The following BRCA2 variants were observed in gnomAD, a reference collection of about 807,000 sequenced individuals.
BRCA2 encodes breast cancer type 2 susceptibility protein.
In BRCA2, 203 loss-of-function variants were observed where a neutral mutation model predicts 276.7. That is an observed-to-expected ratio of 0.73 (90% confidence interval 0.65 to 0.82). BRCA2 has a LOEUF of 0.82. Among genes scored for constraint, BRCA2 ranks in the 40% least tolerant of loss-of-function variants. The pLI, the probability that BRCA2 is intolerant of heterozygous loss-of-function variation, is 0.00. For missense variants in BRCA2, 3,920 were observed against 3,915.0 expected, an observed-to-expected ratio of 1.00 and a Z score of -0.03; for synonymous variants, 1,289 against 1,338.4, an observed-to-expected ratio of 0.96 and a Z score of 0.81.
At chr13:32,365,520 A>G (rs1357096894) in intron 18 of BRCA2, among the ~76,000 whole-genome samples, 1 of 151,924 alleles carries the variant, frequency 6.6e-6, no homozygotes, top group Non-Finnish European at 1.5e-5. Context: ...AGCTGGGATT[A>G]CAGGTACCTG....
At chr13:32,341,307 C>A in intron 11 of BRCA2, 111 bp downstream of exon 11, 3 of 1,491,284 alleles carry the variant, frequency 2.0e-6, no homozygotes, top group Non-Finnish European at 2.8e-6. Flanking sequence ...TCTTTTCAGC[C>A]ATTTTTGTGT....
rs2137525578 is a variant in BRCA2 at position 32,340,596 on chromosome 13, G to C, written c.6241G>C (p.Glu2081Gln). 1 of 1,608,402 alleles carries C rather than the reference G, an allele frequency of 6.2e-7. No homozygotes were observed. Among genetic ancestry groups the C allele is most frequent in the Non-Finnish European group, 8.5e-7 (1 of 1,177,152 alleles). ...CTTACACAAAGTTAAGGGAGTGTTA[G>C]AGGAATTTGATTTAATCAGAACTGA... is the stretch of plus-strand genomic sequence containing the variant. ...SSLHKVKGVL[E>Q]EFDLIRTEHS... The change falls in exon 11 of 27, where the codon GAG becomes CAG. Residue 2081 changes from glutamate to glutamine, a missense_variant. This residue lies in a region of BRCA2 where 3,263 missense variants were observed against 3,156.9 expected (regional missense o/e 1.03). Transcript: ENST00000380152.
At chr13:32,384,596 A>C (rs1201685849) in intron 24 of BRCA2, 1 of 183,900 alleles carries the variant, frequency 5.4e-6, no homozygotes, top group Non-Finnish European at 1.2e-5. Context: ...AAAAGTGAGG[A>C]GGCCTAGATG....
intron 11 of BRCA2, 118 bp downstream of exon 11, chr13:32,341,314 G>C: frequency 6.9e-7 from 1 of 1,450,562 alleles, no homozygotes; most frequent in Non-Finnish European, 9.6e-7. Flanking sequence ...AGCCATTTTT[G>C]TGTAGTCAGT....
In BRCA2 at chr13:32,363,163, T is replaced by G. The variant is rs2137579456; in HGVS notation, c.7977-16T>G. On this transcript the variant is annotated splice_polypyrimidine_tract_variant and intron_variant, in intron 17 of 26. Coordinates refer to ENST00000380152, the MANE Select transcript of BRCA2 (RefSeq NM_000059.4). ...GTCACACTTCCTAAAATATGCATTTTTGTTTTCACTTTTAGATATGATACG... is the reference window on the plus strand; with the variant it reads ...GTCACACTTCCTAAAATATGCATTTGTGTTTTCACTTTTAGATATGATACG... 6.2e-7 allele frequency: 1 copy of G among 1,603,858 alleles called. No homozygotes were observed. The highest frequency in any genetic ancestry group is 8.5e-7 in the Non-Finnish European group (1 of 1,171,662).
chr13:32,376,989 T>A (rs2072878362), intron 21 of BRCA2, among the ~76,000 whole-genome samples, 198 bp downstream of exon 21: 1 of 152,208 alleles, frequency 6.6e-6, no homozygotes. Context: ...GAGTAGAGGA[T>A]GGGAGGGTTC....
intron 1 of BRCA2, among the ~76,000 whole-genome samples, chr13:32,315,922 G>C (rs182564531): frequency 1.3e-5 from 2 of 152,228 alleles, no homozygotes; most frequent in Admixed American, 6.5e-5. Flanking sequence ...TTCAGCTCAA[G>C]ACTTAACTTC....
chr13:32,371,173 A>G, intron 20 of BRCA2, 73 bp downstream of exon 20: 4 of 1,472,188 alleles, frequency 2.7e-6, no homozygotes, highest in Non-Finnish European at 3.7e-6. Flanking sequence ...TGAATTTAAC[A>G]TTTTTAATGA....
In BRCA2 at chr13:32,326,134, A is replaced by C. The variant is rs786201631; in HGVS notation, c.459A>C (p.Pro153=). 1.2e-6 allele frequency: 2 copies of C among 1,609,524 alleles called. No individual in the cohort carries two copies. The highest frequency in any genetic ancestry group is 1.3e-5 in the African/African-American group (1 of 74,946). Reference sequence around the variant, plus strand: ...TTCTACAATGTACACATGTAACACCACAAAGAGATAAGTCAGGTATGATTA... The same window carrying C: ...TTCTACAATGTACACATGTAACACCCCAAAGAGATAAGTCAGGTATGATTA... The part of the protein sequence containing the change: ...PVVLQCTHVT[P]QRDKSVVCGS... The change falls in exon 5 of 27, where the codon CCA becomes CCC. Residue 153 remains proline, a synonymous_variant. Coordinates refer to ENST00000380152, the MANE Select transcript of BRCA2 (RefSeq NM_000059.4).
chr13:32,357,717 T>C, intron 15 of BRCA2, 25 bp from the exon 16 acceptor site: 2 of 1,600,742 alleles, frequency 1.2e-6, no homozygotes, highest in South Asian at 1.1e-5. Context: ...TGTTTTTCTT[T>C]TTTGTGTGTG....
Position 32,337,216 on chromosome 13 carries a change from A to C in BRCA2, c.2861A>C (p.Glu954Ala). ...GATTTGGTTTATGTTCTTGCAGAGG[A>C]GAACAAAAATAGTGTAAAGCAGCAT... ...KKDLVYVLAEENKNSVKQHIK... is the reference protein window; with the variant it reads ...KKDLVYVLAEANKNSVKQHIK... Residue 954 changes from glutamate (E) to alanine (A), a missense_variant, in exon 11 of 27, where the codon GAG becomes GCG. Coordinates refer to ENST00000380152, the MANE Select transcript of BRCA2 (RefSeq NM_000059.4). 1 of 1,613,174 alleles carries C rather than the reference A, an allele frequency of 6.2e-7. No individual in the cohort carries two copies. The highest frequency in any genetic ancestry group is 8.5e-7 in the Non-Finnish European group (1 of 1,179,756).
Position 32,337,615 on chromosome 13 carries a change from C to T in BRCA2, c.3260C>T (p.Thr1087Ile), listed in dbSNP as rs1555283123. Residue 1087 changes from threonine (T) to isoleucine (I), a missense_variant, in exon 11 of 27, where the codon ACC becomes ATC. Physicochemically the swap from Thr to Ile is moderately conservative, Grantham distance 89. This residue lies in a region of BRCA2 where 3,263 missense variants were observed against 3,156.9 expected (regional missense o/e 1.03). Transcript: ENST00000380152. Reference protein sequence around the residue: ...VVSDCKNSHITPQMLFSKQDF... With the variant: ...VVSDCKNSHIIPQMLFSKQDF... The stretch of plus-strand genomic sequence containing the variant: ...TCTGATTGTAAAAATAGTCATATAA[C>T]CCCTCAGATGTTATTTTCCAAGCAG... The T allele has an allele frequency of 1.9e-6, 3 of 1,592,196 alleles. No homozygotes were observed.
At chr13:32,365,690 A>G (rs1292928105) in intron 18 of BRCA2, among the ~76,000 whole-genome samples, 1 of 87,502 alleles carries the variant, frequency 1.1e-5, no homozygotes, top group Non-Finnish European at 2.5e-5. Context: ...TTTTGTTGTT[A>G]TTTAAATTTC....
rs397507295 is a variant in BRCA2 at position 32,337,263 on chromosome 13, G to A, written c.2908G>A (p.Asp970Asn). The A allele has an allele frequency of 4.3e-6, 7 of 1,611,872 alleles. No individual in the cohort carries two copies. Among genetic ancestry groups the A allele is most frequent in the Non-Finnish European group, 5.9e-6 (7 of 1,179,420 alleles). The stretch of plus-strand genomic sequence containing the variant: ...GCATATAAAAATGACTCTAGGTCAA[G>A]ATTTAAAATCGGACATCTCCTTGAA... Reference protein sequence around the residue: ...KQHIKMTLGQDLKSDISLNID... With the variant: ...KQHIKMTLGQNLKSDISLNID... The change falls in exon 11 of 27, where the codon GAT (aspartate) becomes AAT (asparagine). Residue 970 changes from aspartate to asparagine, a missense_variant. Transcript: ENST00000380152.
At chr13:32,352,427 C>T (rs2137550862) in intron 13 of BRCA2, among the ~76,000 whole-genome samples, 1 of 152,224 alleles carries the variant, frequency 6.6e-6, no homozygotes, top group South Asian at 2.1e-4. Context: ...ACTCAGATTG[C>T]TAGCCTGGGA....
At chr13:32,330,856 G>A (rs1167198923) in intron 8 of BRCA2, 63 bp from the exon 9 acceptor site, 6 of 954,994 alleles carry the variant, frequency 6.3e-6, no homozygotes, top group Non-Finnish European at 9.9e-6. Flanking sequence ...GATAAGGGGG[G>A]ACTACTACTA....
rs771061558 is a variant in BRCA2 at position 32,337,175 on chromosome 13, A to G, written c.2820A>G (p.Gln940=). 6.2e-7 allele frequency: 1 copy of G among 1,613,806 alleles called. No individual in the cohort carries two copies. The highest frequency in any genetic ancestry group is 2.2e-5 in the East Asian group (1 of 44,830). Residue 940 remains glutamine, a synonymous_variant, in exon 11 of 27, where the codon CAA becomes CAG. Transcript: ENST00000380152. ...YGDTGDKQAT[Q]VSIKKDLVYV... is the part of the protein sequence containing the mutation. ...ACACAGGTGATAAACAAGCAACCCA[A>G]GTGTCAATTAAAAAAGATTTGGTTT...
chr13:32,374,940 A>G (rs1157947018), intron 20 of BRCA2, among the ~76,000 whole-genome samples: 1 of 152,242 alleles, frequency 6.6e-6, no homozygotes, highest in Admixed American at 6.5e-5. Context: ...TTGTAAAGGA[A>G]AAAGGTTTAA....
chr13:32,372,449 GAAGGCA>G (rs1011856915), intron 20 of BRCA2, among the ~76,000 whole-genome samples: 1 of 152,178 alleles, frequency 6.6e-6, no homozygotes, highest in African/African-American at 2.4e-5. Flanking sequence ...AATCATGGCG[GAAGGCA>G]AAGGCAAAGC....
Sources: gnomAD v4.1 joint callset for allele counts (sites outside exome capture counted in the v4.1 genomes callset) on GRCh38, gnomAD v4.1.1 for gene constraint, gnomAD v4.1.1 regional missense constraint, MANE v1.5 for transcripts, NCBI Gene and HGNC (gene_info 2026-07-23, HGNC 2026-07-21) for gene names.